Variants in ADGRF5 observed in about 807,000 individuals in gnomAD.
ADGRF5 encodes the protein G-protein coupled receptor 116.
A neutral mutation model predicts 132.3 loss-of-function variants in ADGRF5; 75 were observed. The observed-to-expected ratio is 0.57, with a 90% CI of 0.47 to 0.69. ADGRF5 has a LOEUF of 0.69. Ranked by LOEUF, ADGRF5 falls within the 30% of genes least tolerant of loss-of-function variation. The pLI is 0.00. For synonymous variants in ADGRF5, 629 were observed against 597.6 expected (o/e 1.05, Z -0.77); for missense variants, 1,516 against 1,630.6 (o/e 0.93, Z 1.21).
chr6:46,909,518 C>T (rs1338649197), intron 1 of ADGRF5, among the ~76,000 whole-genome samples: 2 of 152,212 alleles, frequency 1.3e-5, no homozygotes, highest in Admixed American at 6.5e-5. Flanking sequence ...CACAGCCTGA[C>T]ATCATATGCC....
chr6:46,862,471 A>G (rs1562147928), intron 15 of ADGRF5, among the ~76,000 whole-genome samples: 1 of 151,924 alleles, frequency 6.6e-6, no homozygotes, highest in African/African-American at 2.4e-5. Context: ...AAGCCCAGCT[A>G]TTTTTTTTAA....
intron 10 of ADGRF5, among the ~76,000 whole-genome samples, chr6:46,873,079 T>C (rs774291222): frequency 1.3e-5 from 2 of 152,054 alleles, no homozygotes; most frequent in Admixed American, 1.3e-4. Flanking sequence ...CCGCCACTTA[T>C]CTTTTGAAAA....
chr6:46,869,259 G>A (rs930791418), intron 11 of ADGRF5, 167 bp from the exon 12 acceptor site: 36 of 1,446,752 alleles, frequency 2.5e-5, no homozygotes, highest in Admixed American at 5.4e-5. Context: ...TGCTGCTCCT[G>A]GGCTTTACTC....
At position 46,858,965 on chromosome 6, in the gene ADGRF5, C is replaced by T; in HGVS notation, c.2938G>A (p.Gly980Arg). Residue 980 changes from glycine (G) to arginine (R), a missense_variant, in exon 17 of 21, where the codon GGG (glycine) becomes AGG (arginine). This residue lies in a region of ADGRF5 where 571 missense variants were observed against 701.2 expected (regional missense o/e 0.81). Transcript: ENST00000283296. Reference protein sequence around the residue: ...SSGCYVEEGDGDNVTCICDHL... With the variant: ...SSGCYVEEGDRDNVTCICDHL... Reference sequence around the variant, plus strand: ...TCACAGATACAGGTGACATTGTCCCCATCACCTTCTTCTACATAGCACCCA... The same window carrying T: ...TCACAGATACAGGTGACATTGTCCCTATCACCTTCTTCTACATAGCACCCA... 1 of 1,613,322 alleles carries T rather than the reference C, an allele frequency of 6.2e-7. No individual in the cohort carries two copies. The highest frequency in any genetic ancestry group is 8.5e-7 in the Non-Finnish European group (1 of 1,179,286).
Position 46,888,332 on chromosome 6 carries a change from C to T in ADGRF5, c.328+3G>A, listed in dbSNP as rs767515750. On this transcript the variant is annotated splice_donor_region_variant and intron_variant, in intron 4 of 20. Coordinates refer to ENST00000283296, the MANE Select transcript of ADGRF5 (RefSeq NM_001098518.2). ...ATTCTGAAGCAATGGGTCTCTTACT[C>T]ACCTGTTGTCACATTTATGCTCAAA... 1.3e-6 allele frequency: 2 copies of T among 1,597,494 alleles called. No homozygotes were observed. The highest frequency in any genetic ancestry group is 3.3e-5 in the Admixed American group (2 of 59,978).
At chr6:46,879,745 A>C in intron 9 of ADGRF5, 73 bp downstream of exon 9, 2 of 1,012,710 alleles carry the variant, frequency 2.0e-6, no homozygotes. Context: ...GCTACGTAAA[A>C]CACTATTACA....
intron 3 of ADGRF5, among the ~76,000 whole-genome samples, chr6:46,895,655 G>A (rs893335741): frequency 2.0e-5 from 3 of 150,156 alleles, no homozygotes; most frequent in African/African-American, 7.4e-5. Flanking sequence ...CTCTCTTGCT[G>A]TTTTGCCTCT....
At chr6:46,866,476 C>T (rs562109434) in intron 13 of ADGRF5, among the ~76,000 whole-genome samples, 2 of 152,254 alleles carry the variant, frequency 1.3e-5, no homozygotes, top group African/African-American at 2.4e-5. Context: ...CATAGGAAAG[C>T]TCCAGCATTA....
chr6:46,928,589 T>C (rs1384769670), intron 1 of ADGRF5, among the ~76,000 whole-genome samples: 1 of 152,170 alleles, frequency 6.6e-6, no homozygotes, highest in Non-Finnish European at 1.5e-5. Flanking sequence ...CTTCTCTCAT[T>C]GGCTCCTCTA....
At position 46,858,489 on chromosome 6, in the gene ADGRF5, G is replaced by A; in HGVS notation, c.3414C>T (p.Cys1138=). Residue 1138 remains cysteine, a synonymous_variant, in exon 17 of 21, where the codon TGC becomes TGT. Coordinates refer to ENST00000283296, the MANE Select transcript of ADGRF5 (RefSeq NM_001098518.2). ...GCGTGATGACCGAGATGGCAAGTGG[G>A]CAGCCATAGCCAAGACAGAAGGCAA... ...KAIAFCLGYG[C]PLAISVITLG... 6.2e-7 allele frequency: 1 copy of A among 1,613,812 alleles called. No homozygotes were observed. Among genetic ancestry groups the A allele is most frequent in the Non-Finnish European group, 8.5e-7 (1 of 1,179,820 alleles).
chr6:46,914,028 A>G (rs1776213287), intron 1 of ADGRF5, among the ~76,000 whole-genome samples: 1 of 152,202 alleles, frequency 6.6e-6, no homozygotes, highest in South Asian at 2.1e-4. Context: ...TACTTATCAA[A>G]ATAGAGACTA....
At chr6:46,885,743 T>C (rs943495860) in intron 4 of ADGRF5, among the ~76,000 whole-genome samples, 7 of 152,232 alleles carry the variant, frequency 4.6e-5, no homozygotes, top group African/African-American at 1.4e-4. Context: ...GGATGTATGT[T>C]AGAGCATACC....
In ADGRF5 at chr6:46,858,465, C is replaced by T. The variant is rs763247474; in HGVS notation, c.3438G>A (p.Thr1146=). Residue 1146 remains threonine (T), a synonymous_variant, in exon 17 of 21, where the codon ACG becomes ACA. Transcript: ENST00000283296. ...CTTCCCGGGGCTGGGTGGCTCCCAG[C>T]GTGATGACCGAGATGGCAAGTGGGC... ...YGCPLAISVI[T]LGATQPREVY... The T allele has an allele frequency of 2.3e-5, 37 of 1,613,738 alleles. No homozygotes were observed. Among genetic ancestry groups the T allele is most frequent in the Admixed American group, 1.7e-4 (10 of 59,984 alleles).
rs774422762 is a variant in ADGRF5 at position 46,877,378 on chromosome 6, T to TTTCTTTC, written c.1240+817_1240+823dup. Among the ~76,000 whole-genome samples, 450 of 51,432 alleles carry TTTCTTTC rather than the reference T, an allele frequency of 8.7e-3. 19 individuals are homozygous for TTTCTTTC. Among genetic ancestry groups the TTTCTTTC allele is most frequent in the African/African-American group, 0.018 (326 of 17,868 alleles). 33.7% of individuals were successfully genotyped at this position (51,432 alleles called of 152,430 possible). ...CTTTCTTTCTTTCTTTCTTTCTTTC[T>TTTCTTTC]TTCTTTCTTCTTTCTTTTTTTTCAT... On this transcript the variant is annotated intron_variant, in intron 10 of 20. Transcript: ENST00000283296.
intron 13 of ADGRF5, among the ~76,000 whole-genome samples, chr6:46,865,984 T>C (rs1770367733): frequency 1.1e-5 from 1 of 92,288 alleles, no homozygotes; most frequent in African/African-American, 4.2e-5. Context: ...AAATCCCTCA[T>C]GAAGTTGTCT....
At chr6:46,954,057 C>T (rs900334004) in intron 1 of ADGRF5, among the ~76,000 whole-genome samples, 9 of 152,162 alleles carry the variant, frequency 5.9e-5, no homozygotes, top group Non-Finnish European at 1.2e-4. Context: ...TGGTGACCAA[C>T]AAGAGCACCC....
chr6:46,920,258 T>A (rs1776796280), intron 1 of ADGRF5, among the ~76,000 whole-genome samples: 1 of 152,192 alleles, frequency 6.6e-6, no homozygotes, highest in Non-Finnish European at 1.5e-5. Flanking sequence ...ACTAATATTA[T>A]TAATTGTCAA....
At chr6:46,900,202 G>A in intron 2 of ADGRF5, 119 bp from the exon 3 acceptor site, 1 of 753,388 alleles carries the variant, frequency 1.3e-6, no homozygotes. Flanking sequence ...CTTTGGGTTA[G>A]CACCATGTGT....
chr6:46,910,046 G>T (rs1159956438), intron 1 of ADGRF5, among the ~76,000 whole-genome samples: 1 of 148,558 alleles, frequency 6.7e-6, no homozygotes, highest in Non-Finnish European at 1.5e-5. Flanking sequence ...AAAAAATAGA[G>T]AAACAATCAG....
Sources: allele counts gnomAD v4.1 joint callset (sites outside exome capture counted in the v4.1 genomes callset), GRCh38; gene constraint gnomAD v4.1.1; regional missense constraint gnomAD v4.1.1; transcripts MANE v1.5; gene names NCBI Gene and HGNC (gene_info 2026-07-23, HGNC 2026-07-21).